PCLO: variants seen among roughly 807,000 people sequenced by gnomAD.
The protein encoded by PCLO is protein piccolo.
Under a neutral mutation model 427.5 loss-of-function variants are expected in PCLO, and 82 were observed. The ratio of observed to expected loss-of-function variants is 0.19; its 90% CI spans 0.16 to 0.23. The LOEUF (loss-of-function observed/expected upper bound fraction) is 0.23, where lower values mean the gene tolerates loss of function less well. Ranked by LOEUF, PCLO falls within the 10% of genes least tolerant of loss-of-function variation. The probability of loss-of-function intolerance (pLI) is 1.00; values close to 1 mark genes in which losing one functional copy is unlikely to be tolerated. For synonymous variants in PCLO, 2,357 were observed against 2,155.4 expected (o/e 1.09, Z -2.59); for missense variants, 6,239 against 6,115.9 (o/e 1.02, Z -0.67).
At chr7:83,097,679 A>T (rs538171869) in intron 3 of PCLO, among the ~76,000 whole-genome samples, 7 of 151,588 alleles carry the variant, frequency 4.6e-5, no homozygotes, top group Non-Finnish European at 1.0e-4. Context: ...AAAAATTTTG[A>T]TCTTCAACAC....
rs528584800 is a variant in PCLO, at chr7:82,955,955, T to A, written c.4998A>T (p.Arg1666=). The A allele has an allele frequency of 6.2e-7, 1 of 1,613,754 alleles. No homozygotes were observed. Among genetic ancestry groups the A allele is most frequent in the Non-Finnish European group, 8.5e-7 (1 of 1,179,868 alleles). The change falls in exon 5 of 25, where the codon CGA becomes CGT. Residue 1666 remains arginine, a synonymous_variant. Coordinates refer to ENST00000333891, the MANE Select transcript of PCLO (RefSeq NM_033026.6). ...TACTGTTGAGCTCAATTGTTTTAAA[T>A]CGGCGTAGCCCTCCTCCTCCAGTAA... ...LVVTGGGGLR[R]FKTIELNSTI... is the part of the protein sequence containing the mutation.
chr7:83,002,062 T>C (rs1378001688), intron 3 of PCLO, among the ~76,000 whole-genome samples: 1 of 151,998 alleles, frequency 6.6e-6, no homozygotes, highest in East Asian at 1.9e-4. Context: ...TTGGGATACT[T>C]AGTTCCTCCA....
At chr7:83,149,930 A>G (rs1046774584) in intron 2 of PCLO, among the ~76,000 whole-genome samples, 3 of 152,180 alleles carry the variant, frequency 2.0e-5, no homozygotes, top group African/African-American at 4.8e-5. Context: ...AAAGGTGGCT[A>G]TGGTTTTGTT....
chr7:82,837,600 A>C (rs2115754741), intron 15 of PCLO, among the ~76,000 whole-genome samples: 1 of 152,104 alleles, frequency 6.6e-6, no homozygotes, highest in Non-Finnish European at 1.5e-5. Context: ...GTGAAAGTTA[A>C]ATATCTCCAA....
chr7:82,905,440 A>G (rs1021162655), intron 8 of PCLO, among the ~76,000 whole-genome samples: 1 of 151,990 alleles, frequency 6.6e-6, no homozygotes, highest in Non-Finnish European at 1.5e-5. Flanking sequence ...TGCAGGAGAC[A>G]GAGTGCCTTG....
intron 3 of PCLO, among the ~76,000 whole-genome samples, chr7:83,012,393 G>T (rs1411551967): frequency 6.6e-6 from 1 of 151,864 alleles, no homozygotes; most frequent in Non-Finnish European, 1.5e-5. Context: ...CGAGGTGGGC[G>T]GATCACCTGA....
intron 3 of PCLO, among the ~76,000 whole-genome samples, chr7:83,098,071 T>C (rs147995946): frequency 1.4e-3 from 208 of 152,268 alleles, no homozygotes; most frequent in African/African-American, 4.8e-3. Context: ...ATAAGTTAGA[T>C]AGTTTATTCA....
Position 82,915,740 on chromosome 7 carries a change from G to C in PCLO, c.12246C>G (p.Thr4082=). Residue 4082 remains threonine, a synonymous_variant, in exon 7 of 25, where the codon ACC becomes ACG. Transcript: ENST00000333891. The part of the protein sequence containing the change: ...DLSKTDRLLR[T]TETRRSQEVT... Reference sequence around the variant, plus strand: ...CTTCTTGAGACCGGCGTGTCTCAGTGGTTCGAAGGAGACGGTCTGTTTTTG... The same window carrying C: ...CTTCTTGAGACCGGCGTGTCTCAGTCGTTCGAAGGAGACGGTCTGTTTTTG... 6.2e-7 allele frequency: 1 copy of C among 1,612,022 alleles called. No homozygotes were observed. Among genetic ancestry groups the C allele is most frequent in the Non-Finnish European group, 8.5e-7 (1 of 1,178,950 alleles).
intron 6 of PCLO, among the ~76,000 whole-genome samples, chr7:82,946,687 T>C (rs1795211650): frequency 6.6e-6 from 1 of 152,066 alleles, no homozygotes; most frequent in African/African-American, 2.4e-5. Flanking sequence ...GGGGAGAAAG[T>C]CTGGAGAGTG....
rs1343536136 is a variant in PCLO at position 82,953,363 on chromosome 7, G to A, written c.7590C>T (p.His2530=). The change falls in exon 5 of 25, where the codon CAC becomes CAT. Residue 2530 remains histidine (H), a synonymous_variant. Coordinates refer to ENST00000333891, the MANE Select transcript of PCLO (RefSeq NM_033026.6). ...TTAAAGATAGGCCTGTTGGTTTGGG[G>A]TGTATATCTGTTGGTTTTTGTGTAG... The part of the protein sequence containing the change: ...PTTTQKPTDI[H]PKPTGLSLTS... The A allele has an allele frequency of 6.2e-7, 1 of 1,613,772 alleles. No individual in the cohort carries two copies. Among genetic ancestry groups the A allele is most frequent in the Non-Finnish European group, 8.5e-7 (1 of 1,179,850 alleles).
intron 3 of PCLO, among the ~76,000 whole-genome samples, chr7:83,045,735 A>G (rs1789089026): frequency 6.6e-6 from 1 of 152,142 alleles, no homozygotes; most frequent in Non-Finnish European, 1.5e-5. Context: ...AGGATGATCT[A>G]GAAGATATAT....
intron 3 of PCLO, among the ~76,000 whole-genome samples, chr7:83,072,050 G>A (rs1191832343): frequency 6.6e-6 from 1 of 151,794 alleles, no homozygotes; most frequent in Admixed American, 6.6e-5. Context: ...TATTTTGTTT[G>A]TTAAAATAAT....
chr7:83,050,208 G>GAAAAAAAAAAAAAA lies in PCLO; in HGVS notation c.3301-83735_3301-83722dup, dbSNP rs556193471. 2.4e-3 allele frequency among the ~76,000 whole-genome samples: 13 copies of GAAAAAAAAAAAAAA among 5,458 alleles called. 1 individual carries two copies. Among genetic ancestry groups the GAAAAAAAAAAAAAA allele is most frequent in the Admixed American group, 4.9e-3 (1 of 206 alleles). The allele number at this position is 5,458 out of a possible 152,430, so 3.6% of individuals were successfully genotyped here. On this transcript the variant is annotated intron_variant, in intron 3 of 24. Transcript: ENST00000333891. ...TGAACTATTCCTCATCTGAAAAACT[G>GAAAAAAAAAAAAAA]AAAAAAAAAAAAAAAAAAAAAAAAA... is the stretch of plus-strand genomic sequence containing the variant.
chr7:83,094,672 T>C (rs931086284), intron 3 of PCLO, among the ~76,000 whole-genome samples: 11 of 152,166 alleles, frequency 7.2e-5, no homozygotes, highest in African/African-American at 1.7e-4. Flanking sequence ...TTGGGTCTAT[T>C]ACGAGAAAAA....
chr7:82,880,399 GA>G (rs1562833967), intron 9 of PCLO: 3 of 408,650 alleles, frequency 7.3e-6, no homozygotes, highest in Non-Finnish European at 1.5e-5. Context: ...TGAAATATTT[GA>G]ATAGCTCTAT....
chr7:82,860,877 TGTTAA>T (rs1011274248), intron 10 of PCLO, among the ~76,000 whole-genome samples: 2 of 152,076 alleles, frequency 1.3e-5, no homozygotes, highest in Non-Finnish European at 2.9e-5. Context: ...ATGCAAATAG[TGTTAA>T]GTTATTATCA....
intron 3 of PCLO, among the ~76,000 whole-genome samples, chr7:83,029,262 G>GA (rs201134210): frequency 0.19 from 23,880 of 126,732 alleles, 2,844 homozygotes; most frequent in East Asian, 0.6. Flanking sequence ...AAATTTACAA[G>GA]AAAAAAAAAA....
chr7:82,896,813 C>T (rs561571629), intron 9 of PCLO, among the ~76,000 whole-genome samples: 3 of 151,650 alleles, frequency 2.0e-5, no homozygotes, highest in Non-Finnish European at 4.4e-5. Context: ...GCCACTATTT[C>T]CTAAGAAGAC....
intron 3 of PCLO, among the ~76,000 whole-genome samples, chr7:83,019,840 C>T (rs530719829): frequency 1.3e-5 from 2 of 152,108 alleles, no homozygotes; most frequent in South Asian, 4.1e-4. Context: ...AAGACTGAAG[C>T]AGCGGCAAAG....
Sources: gnomAD v4.1 joint callset for allele counts (sites outside exome capture counted in the v4.1 genomes callset) on GRCh38, gnomAD v4.1.1 for gene constraint, MANE v1.5 for transcripts, NCBI Gene and HGNC (gene_info 2026-07-23, HGNC 2026-07-21) for gene names.